BBS9: variants seen among roughly 807,000 people sequenced by gnomAD.
The protein encoded by BBS9 is protein PTHB1.
A neutral mutation model predicts 117.7 loss-of-function variants in BBS9; 89 were observed. The ratio of observed to expected loss-of-function variants is 0.76; its 90% CI spans 0.64 to 0.90. The LOEUF (loss-of-function observed/expected upper bound fraction) is 0.90. BBS9 is among the 40% of genes least tolerant of loss of function. The pLI is 0.00. For missense variants in BBS9, 982 were observed against 1,042.2 expected (o/e 0.94, Z 0.80); for synonymous variants, 379 against 370.9 (o/e 1.02, Z -0.25).
At chr7:33,139,956 C>T (rs975592426) in intron 1 of BBS9, among the ~76,000 whole-genome samples, 7 of 151,912 alleles carry the variant, frequency 4.6e-5, no homozygotes, top group East Asian at 1.9e-4. Context: ...CCACTTCCTT[C>T]GAGATAACTC....
chr7:33,304,556 TGAG>T (rs535669268), intron 9 of BBS9, among the ~76,000 whole-genome samples: 139 of 152,212 alleles, frequency 9.1e-4, no homozygotes, highest in African/African-American at 3.1e-3. Flanking sequence ...GTCTGGGAAG[TGAG>T]GAGCGCCTCT....
chr7:33,273,975 C>A lies in BBS9; in HGVS notation c.1016+19C>A. The A allele has an allele frequency of 6.2e-7, 1 of 1,612,864 alleles. No homozygotes were observed. Among genetic ancestry groups the A allele is most frequent in the South Asian group, 1.1e-5 (1 of 91,046 alleles). On this transcript the variant is annotated intron_variant, in intron 9 of 22. Coordinates refer to ENST00000242067, the MANE Select transcript of BBS9 (RefSeq NM_198428.3). Reference sequence around the variant, plus strand: ...GTTTGCAGTAAGTGATTTAATTTAACACAGTTTTTAAAGAGGATGTTAGTC... The same window carrying A: ...GTTTGCAGTAAGTGATTTAATTTAAAACAGTTTTTAAAGAGGATGTTAGTC...
intron 4 of BBS9, among the ~76,000 whole-genome samples, chr7:33,163,230 C>A (rs1296102771): frequency 6.6e-6 from 1 of 152,096 alleles, no homozygotes; most frequent in Non-Finnish European, 1.5e-5. Context: ...ATTTGGTATG[C>A]CAGTATTCTA....
At chr7:33,289,182 T>A (rs1399798652) in intron 9 of BBS9, among the ~76,000 whole-genome samples, 1 of 152,156 alleles carries the variant, frequency 6.6e-6, no homozygotes, top group Non-Finnish European at 1.5e-5. Flanking sequence ...GGTAAACACC[T>A]GGAAAAACCA....
chr7:33,556,568 G>GT (rs1563355670), intron 21 of BBS9, among the ~76,000 whole-genome samples: 1 of 152,202 alleles, frequency 6.6e-6, no homozygotes, highest in Non-Finnish European at 1.5e-5. Flanking sequence ...GCACTGTCCT[G>GT]TAAGTTTATA....
chr7:33,560,544 G>C (rs758425718), intron 21 of BBS9, among the ~76,000 whole-genome samples: 2 of 152,140 alleles, frequency 1.3e-5, no homozygotes, highest in Non-Finnish European at 2.9e-5. Flanking sequence ...TTTTATCCAA[G>C]CAAGGTCAAA....
At chr7:33,324,026 C>A (rs182761588) in intron 9 of BBS9, among the ~76,000 whole-genome samples, 68 of 151,766 alleles carry the variant, frequency 4.5e-4, no homozygotes, top group Middle Eastern at 6.8e-3. Flanking sequence ...TTAGTAGAGA[C>A]GGAGTTTCAC....
chr7:33,273,049 A>G lies in BBS9; in HGVS notation c.740A>G (p.Asp247Gly). ...WTLNIGEQAL[D>G]ICIVSFNQSA... ...CTAAATATTGGAGAGCAAGCCCTTG[A>G]CATATGTATTGTCTCTTTCAATCAG... Residue 247 changes from aspartate to glycine, a missense_variant, in exon 8 of 23, where the codon GAC (aspartate) becomes GGC (glycine). By Grantham distance (94) the Asp-to-Gly change is moderately conservative. Transcript: ENST00000242067. 6.2e-7 allele frequency: 1 copy of G among 1,613,700 alleles called. No individual in the cohort carries two copies.
chr7:33,419,703 T>G (rs939655187), intron 19 of BBS9, among the ~76,000 whole-genome samples: 7 of 152,178 alleles, frequency 4.6e-5, no homozygotes, highest in Non-Finnish European at 1.0e-4. Flanking sequence ...TTAAGAGCAT[T>G]TGGTGCTTTG....
At chr7:33,422,651 G>C (rs1833033011) in intron 19 of BBS9, among the ~76,000 whole-genome samples, 1 of 152,100 alleles carries the variant, frequency 6.6e-6, no homozygotes, top group Non-Finnish European at 1.5e-5. Flanking sequence ...TTTAAGAATA[G>C]AAGCACAAAA....
In BBS9 at chr7:33,605,707, G is replaced by A. The variant is rs934757240; in HGVS notation, c.*481G>A. The A allele has an allele frequency of 1.7e-5, 3 of 171,542 alleles. No individual in the cohort carries two copies. The highest frequency in any genetic ancestry group is 7.2e-5 in the African/African-American group (3 of 41,640). 10.6% of individuals were successfully genotyped at this position (171,542 alleles called of 1,614,324 possible). The stretch of plus-strand genomic sequence containing the variant: ...CATTATTTCTTCAAAGGAAAGGAAA[G>A]GAATTGAAGACTTTGCTACTCTCTG... On this transcript the variant is annotated 3_prime_UTR_variant, in exon 23 of 23. Transcript: ENST00000242067.
At chr7:33,397,999 T>A (rs995274353) in intron 19 of BBS9, among the ~76,000 whole-genome samples, 10 of 151,630 alleles carry the variant, frequency 6.6e-5, no homozygotes, top group Admixed American at 2.0e-4. Context: ...GAAAAAAAAA[T>A]AAAAATTAAA....
intron 9 of BBS9, among the ~76,000 whole-genome samples, chr7:33,303,096 T>A (rs1364244803): frequency 2.0e-5 from 3 of 152,206 alleles, no homozygotes; most frequent in Non-Finnish European, 4.4e-5. Context: ...TAAATGCTAC[T>A]GATTTTTGTA....
chr7:33,538,239 G>A (rs1248342882), intron 21 of BBS9, among the ~76,000 whole-genome samples: 1 of 152,164 alleles, frequency 6.6e-6, no homozygotes, highest in Non-Finnish European at 1.5e-5. Context: ...AGGAAGCAAA[G>A]AAGATTTGAT....
intron 21 of BBS9, among the ~76,000 whole-genome samples, chr7:33,559,523 T>C (rs1855776482): frequency 6.6e-6 from 1 of 152,138 alleles, no homozygotes; most frequent in Non-Finnish European, 1.5e-5. Flanking sequence ...ATAGCAGCCT[T>C]ACCCGATAAA....
At chr7:33,166,020 G>T (rs911727171) in intron 4 of BBS9, among the ~76,000 whole-genome samples, 2 of 152,086 alleles carry the variant, frequency 1.3e-5, no homozygotes, top group African/African-American at 2.4e-5. Flanking sequence ...ATGGGGTTTG[G>T]GTGTGGATGT....
chr7:33,151,472 A>C (rs1399584808), intron 2 of BBS9, among the ~76,000 whole-genome samples: 2 of 152,180 alleles, frequency 1.3e-5, no homozygotes, highest in Admixed American at 6.5e-5. Context: ...GGGGACAGGA[A>C]TGGGCATGGC....
intron 5 of BBS9, among the ~76,000 whole-genome samples, chr7:33,235,750 A>G (rs1482446006): frequency 2.0e-5 from 3 of 152,210 alleles, no homozygotes; most frequent in Non-Finnish European, 2.9e-5. Flanking sequence ...TCACTGAGGT[A>G]GTGGATACAT....
chr7:33,518,158 G>A (rs143653585), intron 20 of BBS9, among the ~76,000 whole-genome samples: 110 of 151,638 alleles, frequency 7.3e-4, no homozygotes, highest in African/African-American at 2.4e-3. Context: ...TAGGGCATGA[G>A]AGCTAAAACA....
Sources: gnomAD v4.1 joint callset for allele counts (sites outside exome capture counted in the v4.1 genomes callset) on GRCh38, gnomAD v4.1.1 for gene constraint, MANE v1.5 for transcripts, NCBI Gene and HGNC (gene_info 2026-07-23, HGNC 2026-07-21) for gene names.